The following C10orf67 variants were observed in gnomAD, a reference collection of about 807,000 sequenced individuals.
C10orf67 encodes the protein uncharacterized protein C10orf67, mitochondrial.
C10orf67 carries 60 observed loss-of-function variants against 35.6 expected under a neutral mutation model. That is an observed-to-expected ratio of 1.68 (90% CI 1.37 to 2.09). C10orf67 has a LOEUF of 2.09. C10orf67 is among the 30% of genes most tolerant of loss of function. The probability of loss-of-function intolerance (pLI) is 0.00; values close to 1 mark genes in which losing one functional copy is unlikely to be tolerated. For missense variants in C10orf67, 474 were observed against 330.2 expected (o/e 1.44, Z -3.38); for synonymous variants, 167 against 115.8 (o/e 1.44, Z -2.84).
chr10:23,284,329 T>A (rs1326741734), intron 7 of C10orf67, among the ~76,000 whole-genome samples: 1 of 151,678 alleles, frequency 6.6e-6, no homozygotes, highest in African/African-American at 2.4e-5. Context: ...CACAAACCCC[T>A]GTCAGGCTTT....
chr10:23,273,373 T>C (rs1192489868), intron 8 of C10orf67, among the ~76,000 whole-genome samples: 1 of 152,210 alleles, frequency 6.6e-6, no homozygotes, highest in Admixed American at 6.5e-5. Flanking sequence ...TTGCTGAGAG[T>C]ATTTTTTATC....
chr10:23,238,124 AAGAGCCATTTTTGTCT>A (rs1323683988), intron 13 of C10orf67, among the ~76,000 whole-genome samples: 1 of 152,178 alleles, frequency 6.6e-6, no homozygotes, highest in East Asian at 1.9e-4. Context: ...CTGTGAAGCA[AAGAGCCATTTTTGTCT>A]TGTTCACTAT....
chr10:23,277,988 A>T (rs1843244002), intron 8 of C10orf67, among the ~76,000 whole-genome samples: 1 of 152,240 alleles, frequency 6.6e-6, no homozygotes, highest in Admixed American at 6.5e-5. Context: ...GGAGCGAGAG[A>T]GAGAAGTGGG....
At chr10:23,287,277 C>A (rs994577973) in intron 7 of C10orf67, among the ~76,000 whole-genome samples, 1 of 152,016 alleles carries the variant, frequency 6.6e-6, no homozygotes, top group Non-Finnish European at 1.5e-5. Flanking sequence ...CCAAAACAGA[C>A]ATATAGACCA....
chr10:23,238,656 G>A (rs750969777), intron 13 of C10orf67, among the ~76,000 whole-genome samples: 3 of 152,178 alleles, frequency 2.0e-5, no homozygotes, highest in African/African-American at 7.2e-5. Context: ...CTGATTTTGA[G>A]TGACACCATA....
intron 10 of C10orf67, among the ~76,000 whole-genome samples, chr10:23,254,273 T>A (rs1206442529): frequency 6.6e-6 from 1 of 152,204 alleles, no homozygotes; most frequent in African/African-American, 2.4e-5. Flanking sequence ...AATGGCACAA[T>A]ATCAGCTCAC....
At chr10:23,303,593 G>A (rs1399488447) in intron 4 of C10orf67, 134 bp from the exon 5 acceptor site, 1 of 428,308 alleles carries the variant, frequency 2.3e-6, no homozygotes, top group African/African-American at 2.0e-5. Context: ...CTACTGTTTT[G>A]TGAAGGTTAT....
At chr10:23,344,453 G>C in intron 1 of C10orf67, 116 bp downstream of exon 1, 3 of 1,011,850 alleles carry the variant, frequency 3.0e-6, no homozygotes, top group Non-Finnish European at 4.4e-6. Flanking sequence ...ACAGCCTGGA[G>C]GCTGCTGCGA....
At position 23,344,296 on chromosome 10, in the gene C10orf67, G is replaced by T. The variant is rs180921460; in HGVS notation, c.206+273C>A. The T allele has an allele frequency of 3.8e-3, 1,927 of 507,510 alleles. 17 individuals carry two copies. The highest frequency in any genetic ancestry group is 0.031 in the Middle Eastern group (57 of 1,830). The allele number at this position is 507,510 out of a possible 1,614,324, so 31.4% of individuals were successfully genotyped here. A position where few individuals can be genotyped will look rare whatever the true frequency, so the allele number is the denominator to read the frequency against. On this transcript the variant is annotated intron_variant, in intron 1 of 15. Coordinates refer to ENST00000636213, the MANE Select transcript of C10orf67 (RefSeq NM_001371909.1). ...GAAGAGGGGGAAGGAGTGGGGGAAG[G>T]GGGAAGAGATGGAAAGGAGGATGGG...
intron 15 of C10orf67, among the ~76,000 whole-genome samples, chr10:23,220,830 G>C (rs1328327369): frequency 6.6e-6 from 1 of 152,182 alleles, no homozygotes; most frequent in Non-Finnish European, 1.5e-5. Context: ...ATTTCACAAA[G>C]TATTTTGTGG....
In C10orf67 at chr10:23,239,728, C is replaced by A. The variant is rs1169400166; in HGVS notation, c.1434+1G>T. 4 of 652,240 alleles carry A rather than the reference C, an allele frequency of 6.1e-6. No individual in the cohort carries two copies. Among genetic ancestry groups the A allele is most frequent in the South Asian group, 1.7e-5 (1 of 59,240 alleles). 40.4% of individuals were successfully genotyped at this position (652,240 alleles called of 1,614,324 possible). On this transcript the variant is annotated splice_donor_variant, in intron 13 of 15. Coordinates refer to ENST00000636213, the MANE Select transcript of C10orf67 (RefSeq NM_001371909.1). LOFTEE classifies it high-confidence loss of function. ...AGCATCTAAACATTACATGCACTTA[C>A]AATATAATTGAAGGATGTGTCAGCA...
Position 23,269,247 on chromosome 10 carries a change from T to C in C10orf67, c.976-1993A>G, listed in dbSNP as rs530917568. 9.2e-5 allele frequency among the ~76,000 whole-genome samples: 14 copies of C among 152,278 alleles called. No homozygotes were observed. The East Asian group carries it at 2.7e-3, about 29-fold the overall frequency. On this transcript the variant is annotated intron_variant, in intron 8 of 15. Coordinates refer to ENST00000636213, the MANE Select transcript of C10orf67 (RefSeq NM_001371909.1). ...TATAAAACATATGACAACTGTAACA[T>C]GATGAATGAAGAAATAAATAGATAT...
rs74926586 is a variant in C10orf67 at position 23,290,938 on chromosome 10, G to A, written c.850+194C>T. Among the ~76,000 whole-genome samples the A allele has an allele frequency of 2.2e-3, 341 of 152,162 alleles. 1 individual carries two copies. The highest frequency in any genetic ancestry group is 3.6e-3 in the Non-Finnish European group (243 of 67,994). Reference sequence around the variant, plus strand: ...CTGAATTAACGTGACATGGCTCAGGGGTACAACTACAAACACATCCTCTGT... The same window carrying A: ...CTGAATTAACGTGACATGGCTCAGGAGTACAACTACAAACACATCCTCTGT... On this transcript the variant is annotated intron_variant, in intron 6 of 15. Coordinates refer to ENST00000636213, the MANE Select transcript of C10orf67 (RefSeq NM_001371909.1).
At chr10:23,235,837 G>A (rs114468108) in intron 13 of C10orf67, among the ~76,000 whole-genome samples, 1 of 152,050 alleles carries the variant, frequency 6.6e-6, no homozygotes, top group African/African-American at 2.4e-5. Context: ...ACAATATTGG[G>A]TGGGCACTGT....
At chr10:23,272,365 C>T (rs865827129) in intron 8 of C10orf67, among the ~76,000 whole-genome samples, 1 of 152,210 alleles carries the variant, frequency 6.6e-6, no homozygotes, top group African/African-American at 2.4e-5. Flanking sequence ...TTAACTTTTA[C>T]ATGAGGTGTC....
chr10:23,282,805 T>A (rs1564488805), intron 7 of C10orf67, among the ~76,000 whole-genome samples: 1 of 152,148 alleles, frequency 6.6e-6, no homozygotes, highest in Non-Finnish European at 1.5e-5. Flanking sequence ...CACTCCAGCC[T>A]AGAAACAAGA....
chr10:23,219,605 C>G (rs1437798291), intron 15 of C10orf67, among the ~76,000 whole-genome samples: 1 of 151,854 alleles, frequency 6.6e-6, no homozygotes. Flanking sequence ...TTTTTTAATC[C>G]CCTTAGAGTA....
chr10:23,244,401 A>G (rs567809951), intron 12 of C10orf67, among the ~76,000 whole-genome samples: 6 of 152,332 alleles, frequency 3.9e-5, no homozygotes, highest in African/African-American at 1.4e-4. Flanking sequence ...CTTGAAATCT[A>G]GTAAAAAGAC....
chr10:23,325,202 T>G (rs1300579420), intron 2 of C10orf67, among the ~76,000 whole-genome samples: 1 of 152,012 alleles, frequency 6.6e-6, no homozygotes, highest in Non-Finnish European at 1.5e-5. Context: ...CCAGGCGTGG[T>G]GGTGTGTAGC....
Sources: allele counts gnomAD v4.1 joint callset (sites outside exome capture counted in the v4.1 genomes callset), GRCh38; gene constraint gnomAD v4.1.1; transcripts MANE v1.5; gene names NCBI Gene and HGNC (gene_info 2026-07-23, HGNC 2026-07-21).